The following TBC1D1 variants were observed in gnomAD, a reference collection of about 807,000 sequenced individuals.
TBC1D1 encodes TBC1 (tre-2/USP6, BUB2, cdc16) domain family, member 1.
Under a neutral mutation model 125.6 loss-of-function variants are expected in TBC1D1, and 89 were observed. That is an observed-to-expected ratio of 0.71 (90% CI 0.60 to 0.85). TBC1D1 has a LOEUF of 0.85. Ranked by LOEUF, TBC1D1 falls within the 40% of genes least tolerant of loss-of-function variation. The probability of loss-of-function intolerance (pLI) is 0.00; values close to 1 mark genes in which losing one functional copy is unlikely to be tolerated. For missense variants in TBC1D1, 1,377 were observed against 1,469.2 expected (o/e 0.94, Z 1.03); for synonymous variants, 565 against 564.1 (o/e 1.00, Z -0.02).
At chr4:37,908,155 C>T (rs1203759437) in intron 2 of TBC1D1, among the ~76,000 whole-genome samples, 3 of 151,268 alleles carry the variant, frequency 2.0e-5, no homozygotes, top group African/African-American at 7.3e-5. Flanking sequence ...GGGCAGTGGG[C>T]AGAGTGTGTG....
At chr4:38,098,839 G>A (rs1759813226) in intron 14 of TBC1D1, among the ~76,000 whole-genome samples, 1 of 152,144 alleles carries the variant, frequency 6.6e-6, no homozygotes, top group Non-Finnish European at 1.5e-5. Context: ...CTTCCTCATA[G>A]TGACATAAAA....
intron 12 of TBC1D1, among the ~76,000 whole-genome samples, chr4:38,058,421 C>T (rs1210014379): frequency 6.6e-6 from 1 of 152,220 alleles, no homozygotes; most frequent in African/African-American, 2.4e-5. Context: ...TCCAGCCAAG[C>T]GTGCACAAGA....
At chr4:38,101,648 T>A (rs1414774710) in intron 14 of TBC1D1, among the ~76,000 whole-genome samples, 1 of 152,226 alleles carries the variant, frequency 6.6e-6, no homozygotes, top group Non-Finnish European at 1.5e-5. Context: ...CTCTGGGCTC[T>A]TCTTGCAGCT....
chr4:38,019,446 G>A (rs1743525962), intron 4 of TBC1D1, among the ~76,000 whole-genome samples: 1 of 152,114 alleles, frequency 6.6e-6, no homozygotes, highest in Admixed American at 6.5e-5. Flanking sequence ...TCATTTATTG[G>A]AAAATATTTG....
intron 12 of TBC1D1, among the ~76,000 whole-genome samples, chr4:38,079,028 C>G (rs1296648133): frequency 2.0e-5 from 3 of 152,112 alleles, no homozygotes; most frequent in Non-Finnish European, 4.4e-5. Flanking sequence ...AGATACTGAG[C>G]CCACCTTTCT....
intron 1 of TBC1D1, among the ~76,000 whole-genome samples, chr4:37,900,090 C>T (rs1453432296): frequency 1.4e-5 from 2 of 147,588 alleles, no homozygotes; most frequent in African/African-American, 2.5e-5. Context: ...CACTGCACTC[C>T]AGCCTGGGCG....
chr4:37,961,197 C>T, intron 2 of TBC1D1: 2 of 792,710 alleles, frequency 2.5e-6, no homozygotes, highest in Admixed American at 2.7e-5. Context: ...TTCCATACTA[C>T]AGCCCGTACT....
rs1721184273 is a variant in TBC1D1, at chr4:37,922,359, T to C, written c.417+19847T>C. 3.3e-5 allele frequency among the ~76,000 whole-genome samples: 5 copies of C among 152,326 alleles called. No individual in the cohort carries two copies. The South Asian group carries it at 1.0e-3, about 32-fold the overall frequency. On this transcript the variant is annotated intron_variant, in intron 2 of 19. Coordinates refer to ENST00000261439, the MANE Select transcript of TBC1D1 (RefSeq NM_015173.4). The stretch of plus-strand genomic sequence containing the variant: ...ATTCCATCACTGTTTAGAGGGGTTC[T>C]GGCTTTAGAAGCTAACCTCCTGATT...
At position 38,060,748 on chromosome 4, in the gene TBC1D1, G is replaced by A. The variant is rs977053107; in HGVS notation, c.2050+6410G>A. Reference sequence around the variant, plus strand: ...CTTTCTTCAGATCATGGTTTAGAGCGGTGTTTTACAAACTTGATGTGCTTG... The same window carrying A: ...CTTTCTTCAGATCATGGTTTAGAGCAGTGTTTTACAAACTTGATGTGCTTG... On this transcript the variant is annotated intron_variant, in intron 12 of 19. Coordinates refer to ENST00000261439, the MANE Select transcript of TBC1D1 (RefSeq NM_015173.4). 1.6e-5 allele frequency: 14 copies of A among 856,154 alleles called. 1 individual carries two copies. The highest frequency in any genetic ancestry group is 3.1e-5 in the South Asian group (2 of 64,918). 53.0% of individuals were successfully genotyped at this position (856,154 alleles called of 1,614,324 possible). A position where few individuals can be genotyped will look rare whatever the true frequency, so the allele number is the denominator to read the frequency against.
intron 12 of TBC1D1, among the ~76,000 whole-genome samples, chr4:38,086,552 A>G (rs1757515248): frequency 6.6e-6 from 1 of 152,144 alleles, no homozygotes; most frequent in Non-Finnish European, 1.5e-5. Flanking sequence ...TAGTGCTCAA[A>G]TATGTCTTTG....
chr4:38,095,488 A>G (rs2152546021), intron 13 of TBC1D1, among the ~76,000 whole-genome samples: 1 of 152,332 alleles, frequency 6.6e-6, no homozygotes, highest in East Asian at 1.9e-4. Context: ...GAAGCTACCA[A>G]ATGGAGGTTT....
At chr4:38,060,583 T>C in intron 12 of TBC1D1, 1 of 1,279,476 alleles carries the variant, frequency 7.8e-7, no homozygotes, top group Non-Finnish European at 1.0e-6. Context: ...AGGGTAAGGA[T>C]GCTTACGTCT....
intron 2 of TBC1D1, among the ~76,000 whole-genome samples, chr4:37,942,318 C>A (rs1317420004): frequency 1.3e-5 from 2 of 152,116 alleles, no homozygotes; most frequent in Non-Finnish European, 2.9e-5. Context: ...GGTTTAAAGT[C>A]TGTTTAATCA....
chr4:38,043,062 C>T (rs1199320197), intron 8 of TBC1D1, among the ~76,000 whole-genome samples: 4 of 151,822 alleles, frequency 2.6e-5, no homozygotes, highest in South Asian at 4.1e-4. Flanking sequence ...CCACTACACC[C>T]GGCTGTTTTT....
intron 2 of TBC1D1, among the ~76,000 whole-genome samples, chr4:37,941,676 C>G (rs1725601401): frequency 6.6e-6 from 1 of 152,190 alleles, no homozygotes; most frequent in African/African-American, 2.4e-5. Context: ...TATACATTTC[C>G]CTCTACAGAC....
intron 1 of TBC1D1, among the ~76,000 whole-genome samples, chr4:37,897,397 A>C (rs1714882577): frequency 6.6e-6 from 1 of 152,232 alleles, no homozygotes; most frequent in Non-Finnish European, 1.5e-5. Flanking sequence ...TGAATTGCTT[A>C]TAAATAATTA....
chr4:38,073,083 A>C (rs1265220390), intron 12 of TBC1D1, among the ~76,000 whole-genome samples: 1 of 152,160 alleles, frequency 6.6e-6, no homozygotes, highest in Non-Finnish European at 1.5e-5. Flanking sequence ...AGCTATGAAC[A>C]TGGGTGTGCA....
At chr4:37,990,975 A>G (rs1170880143) in intron 2 of TBC1D1, among the ~76,000 whole-genome samples, 2 of 140,586 alleles carry the variant, frequency 1.4e-5, no homozygotes, top group African/African-American at 5.3e-5. Flanking sequence ...GTTGATCACA[A>G]TCTATTTCTT....
At chr4:38,023,967 C>T (rs775521821) in intron 6 of TBC1D1, among the ~76,000 whole-genome samples, 42 of 152,138 alleles carry the variant, frequency 2.8e-4, no homozygotes, top group African/African-American at 8.5e-4. Context: ...TTTACGTCCT[C>T]GCAAGATTTG....
Sources: gnomAD v4.1 joint callset for allele counts (sites outside exome capture counted in the v4.1 genomes callset) on GRCh38, gnomAD v4.1.1 for gene constraint, MANE v1.5 for transcripts, NCBI Gene and HGNC (gene_info 2026-07-23, HGNC 2026-07-21) for gene names.